AP3B1: variants seen among roughly 807,000 people sequenced by gnomAD.
AP3B1 encodes the protein adaptor related protein complex 3 subunit beta 1.
Under a neutral mutation model 132.5 loss-of-function variants are expected in AP3B1, and 61 were observed. The ratio of observed to expected loss-of-function variants is 0.46; its 90% CI spans 0.37 to 0.57. The LOEUF (loss-of-function observed/expected upper bound fraction) is 0.57, where lower values mean the gene tolerates loss of function less well. AP3B1 is among the 20% of genes least tolerant of loss of function. The pLI is 0.00. For missense variants in AP3B1, 1,120 were observed against 1,289.4 expected (o/e 0.87, Z 2.01); for synonymous variants, 388 against 438.3 (o/e 0.89, Z 1.43).
At chr5:78,002,245 ATACT>A (rs1409627548), downstream of AP3B1, 15 of 179,802 alleles carry the variant, frequency 8.3e-5, no homozygotes, top group Non-Finnish European at 1.6e-4. Context: ...AACACTCAAA[ATACT>A]TGCTTTAAAA....
Position 78,227,607 on chromosome 5 carries a change from A to T in AP3B1, c.376-75T>A, listed in dbSNP as rs180902831. ...TAAACATATCTTTCAGACACAGTTA[A>T]TAGGTGCTTAAAGGGTGTAATATGA... On this transcript the variant is annotated intron_variant, in intron 4 of 26. Transcript: ENST00000255194. 3,660 of 1,442,848 alleles carry T rather than the reference A, an allele frequency of 2.5e-3. 10 individuals are homozygous for T. Among genetic ancestry groups the T allele is most frequent in the Non-Finnish European group, 3.2e-3 (3,272 of 1,032,710 alleles). 89.4% of individuals were successfully genotyped at this position (1,442,848 alleles called of 1,614,324 possible).
At chr5:78,246,239 T>A (rs1398513034) in intron 2 of AP3B1, among the ~76,000 whole-genome samples, 3 of 152,242 alleles carry the variant, frequency 2.0e-5, no homozygotes, top group Non-Finnish European at 2.9e-5. Context: ...TTTGGTGGCC[T>A]CAGCCCCAAC....
At chr5:78,096,928 G>A (rs1750838382) in intron 21 of AP3B1, among the ~76,000 whole-genome samples, 2 of 148,440 alleles carry the variant, frequency 1.3e-5, no homozygotes, top group African/African-American at 2.5e-5. Context: ...TGTCCGGGAG[G>A]TGAGGGGCGC....
At chr5:78,050,379 A>G (rs1191206903) in intron 22 of AP3B1, among the ~76,000 whole-genome samples, 3 of 152,156 alleles carry the variant, frequency 2.0e-5, no homozygotes, top group Admixed American at 2.0e-4. Flanking sequence ...TCAGAACTCA[A>G]AGCATAATTT....
At chr5:78,155,675 T>TA (rs566665670) in intron 14 of AP3B1, among the ~76,000 whole-genome samples, 158 of 151,576 alleles carry the variant, frequency 1.0e-3, no homozygotes, top group Non-Finnish European at 1.5e-3. Flanking sequence ...TCCATAAAGA[T>TA]AAAAAAAAGT....
At position 78,170,076 on chromosome 5, in the gene AP3B1, A is replaced by G. The variant is rs559732971; in HGVS notation, c.1168-4404T>C. Reference sequence around the variant, plus strand: ...CCAGCTTCATCCATGTCCCTGCAAAAGACATGAACTCATCCTTTCTAATGG... The same window carrying G: ...CCAGCTTCATCCATGTCCCTGCAAAGGACATGAACTCATCCTTTCTAATGG... On this transcript the variant is annotated intron_variant, in intron 11 of 26. Transcript: ENST00000255194. Among the ~76,000 whole-genome samples the G allele has an allele frequency of 1.9e-4, 29 of 152,260 alleles. 2 individuals are homozygous for G. In the East Asian group the frequency reaches 5.6e-3, roughly 29 times the overall value.
intron 22 of AP3B1, among the ~76,000 whole-genome samples, chr5:78,065,331 T>G (rs2112151670): frequency 6.6e-6 from 1 of 152,126 alleles, no homozygotes; most frequent in Non-Finnish European, 1.5e-5. Flanking sequence ...ATCATACAGC[T>G]GCCTGCTGCC....
At chr5:78,202,552 A>T (rs1264892822) in intron 7 of AP3B1, among the ~76,000 whole-genome samples, 2 of 146,056 alleles carry the variant, frequency 1.4e-5, no homozygotes, top group African/African-American at 5.1e-5. Flanking sequence ...CCATATATTC[A>T]GTGTGTGTGT....
Position 78,170,070 on chromosome 5 carries a change from T to C in AP3B1, c.1168-4398A>G, listed in dbSNP as rs190655887. ...CGGTTGCCAGCTTCATCCATGTCCCTGCAAAAGACATGAACTCATCCTTTC... is the reference window on the plus strand; with the variant it reads ...CGGTTGCCAGCTTCATCCATGTCCCCGCAAAAGACATGAACTCATCCTTTC... On this transcript the variant is annotated intron_variant, in intron 11 of 26. Coordinates refer to ENST00000255194, the MANE Select transcript of AP3B1 (RefSeq NM_003664.5). 1.7e-3 allele frequency among the ~76,000 whole-genome samples: 255 copies of C among 152,316 alleles called. 2 individuals carry two copies. The highest frequency in any genetic ancestry group is 2.8e-3 in the Non-Finnish European group (192 of 68,028).
intron 7 of AP3B1, among the ~76,000 whole-genome samples, chr5:78,190,407 T>A (rs900063100): frequency 6.6e-6 from 1 of 152,134 alleles, no homozygotes; most frequent in African/African-American, 2.4e-5. Context: ...GACGTTTTTA[T>A]GAGGTTAATG....
At chr5:78,189,869 C>A (rs913898247) in intron 7 of AP3B1, among the ~76,000 whole-genome samples, 100 of 102,338 alleles carry the variant, frequency 9.8e-4, no homozygotes, top group Non-Finnish European at 1.5e-3. Context: ...GACTCCATCT[C>A]AAATAAAATA....
At chr5:78,268,156 A>C (rs1561211016) in intron 1 of AP3B1, among the ~76,000 whole-genome samples, 1 of 152,218 alleles carries the variant, frequency 6.6e-6, no homozygotes, top group Non-Finnish European at 1.5e-5. Context: ...AGAACATACA[A>C]CTACTACACA....
Position 78,123,647 on chromosome 5 carries a change from G to A in AP3B1, c.1968+4383C>T, listed in dbSNP as rs557926020. Among the ~76,000 whole-genome samples the A allele has an allele frequency of 9.8e-4, 149 of 152,224 alleles. 2 individuals are homozygous for A. Among genetic ancestry groups the A allele is most frequent in the Non-Finnish European group, 8.8e-5 (6 of 68,028 alleles). On this transcript the variant is annotated intron_variant, in intron 17 of 26. Coordinates refer to ENST00000255194, the MANE Select transcript of AP3B1 (RefSeq NM_003664.5). ...GAAATGCAAATCAAAACCACAATGA[G>A]ATACCATCTCACACCAGTTAGAATG...
At chr5:78,024,197 G>A (rs1381069423) in intron 24 of AP3B1, among the ~76,000 whole-genome samples, 1 of 151,828 alleles carries the variant, frequency 6.6e-6, no homozygotes, top group African/African-American at 2.4e-5. Context: ...CACTGGTGAA[G>A]GACTAGAAGA....
chr5:78,210,467 A>C (rs1745688178), intron 7 of AP3B1, among the ~76,000 whole-genome samples: 1 of 152,210 alleles, frequency 6.6e-6, no homozygotes, highest in Admixed American at 6.5e-5. Flanking sequence ...GGACTTTGTT[A>C]AACTTATGTA....
At chr5:78,020,925 A>T in intron 24 of AP3B1, 136 bp from the exon 25 acceptor site, 1 of 677,162 alleles carries the variant, frequency 1.5e-6, no homozygotes, top group Non-Finnish European at 2.6e-6. Flanking sequence ...ATCACAGCTA[A>T]AAAGGTTTAA....
At chr5:78,094,321 T>A (rs973652671) in intron 21 of AP3B1, among the ~76,000 whole-genome samples, 1 of 152,238 alleles carries the variant, frequency 6.6e-6, no homozygotes, top group Non-Finnish European at 1.5e-5. Flanking sequence ...TATTGTTAAC[T>A]GACCCCCATG....
chr5:78,230,622 T>C (rs534545840), intron 3 of AP3B1, among the ~76,000 whole-genome samples: 6 of 152,132 alleles, frequency 3.9e-5, no homozygotes, highest in Non-Finnish European at 2.9e-5. Context: ...TTTATCTCAA[T>C]CTCCACTCAG....
At chr5:78,097,217 C>T (rs1262141745) in intron 21 of AP3B1, among the ~76,000 whole-genome samples, 1 of 128,522 alleles carries the variant, frequency 7.8e-6, no homozygotes, top group Non-Finnish European at 1.7e-5. Context: ...CGGCCAGCCA[C>T]CCCGTCCGGG....
Sources: allele counts gnomAD v4.1 joint callset (sites outside exome capture counted in the v4.1 genomes callset), GRCh38; gene constraint gnomAD v4.1.1; transcripts MANE v1.5; gene names NCBI Gene and HGNC (gene_info 2026-07-23, HGNC 2026-07-21).